Variants in SLC4A7 observed in about 807,000 individuals in gnomAD.
SLC4A7 encodes the protein solute carrier family 4 member 7.
Under a neutral mutation model 137.6 loss-of-function variants are expected in SLC4A7, and 51 were observed. The ratio of observed to expected loss-of-function variants is 0.37; its 90% CI spans 0.30 to 0.47. SLC4A7 has a LOEUF of 0.47. SLC4A7 is among the 20% of genes least tolerant of loss of function. The probability of loss-of-function intolerance (pLI) is 1.00; values close to 1 mark genes in which losing one functional copy is unlikely to be tolerated. For synonymous variants in SLC4A7, 542 were observed against 518.6 expected (o/e 1.05, Z -0.61); for missense variants, 1,247 against 1,525.4 (o/e 0.82, Z 3.04).
intron 7 of SLC4A7, among the ~76,000 whole-genome samples, chr3:27,425,676 CAAAAAAAAA>C (rs59895795): frequency 2.4e-4 from 15 of 61,492 alleles, no homozygotes; most frequent in African/African-American, 7.1e-4. Context: ...AACTCTGTCT[CAAAAAAAAA>C]AAAAAAAAAA....
intron 10 of SLC4A7, among the ~76,000 whole-genome samples, chr3:27,419,978 G>A (rs1197113095): frequency 5.3e-5 from 8 of 151,926 alleles, no homozygotes; most frequent in Non-Finnish European, 1.0e-4. Flanking sequence ...CACAAGGTCA[G>A]GAGATTGAGA....
intron 16 of SLC4A7, among the ~76,000 whole-genome samples, chr3:27,400,395 G>C (rs1282587745): frequency 6.6e-6 from 1 of 152,126 alleles, no homozygotes; most frequent in African/African-American, 2.4e-5. Context: ...AAAAAGGCAG[G>C]ACAAGTGGAT....
chr3:27,450,081 C>A (rs913380343), intron 2 of SLC4A7, among the ~76,000 whole-genome samples: 2 of 152,154 alleles, frequency 1.3e-5, no homozygotes. Flanking sequence ...CTCATGTTCC[C>A]AGGTAAGGCT....
At chr3:27,465,734 C>T (rs569143857) in intron 1 of SLC4A7, among the ~76,000 whole-genome samples, 1 of 151,566 alleles carries the variant, frequency 6.6e-6, no homozygotes, top group Non-Finnish European at 1.5e-5. Context: ...CCGAGGCGGA[C>T]GAATCACGAG....
chr3:27,416,051 C>T (rs2054351682), intron 11 of SLC4A7, among the ~76,000 whole-genome samples: 1 of 152,188 alleles, frequency 6.6e-6, no homozygotes, highest in African/African-American at 2.4e-5. Flanking sequence ...CTTAGGAACA[C>T]TTACTAGTAT....
intron 1 of SLC4A7, chr3:27,462,703 A>G (rs1666027405): frequency 7.7e-6 from 1 of 129,298 alleles, no homozygotes; most frequent in Admixed American, 1.1e-4. Context: ...GATCGCTTCC[A>G]GTTGAGAATC....
intron 7 of SLC4A7, among the ~76,000 whole-genome samples, chr3:27,427,166 T>C (rs189096215): frequency 3.9e-5 from 6 of 152,238 alleles, no homozygotes; most frequent in Non-Finnish European, 5.9e-5. Flanking sequence ...TAGCCAAGGA[T>C]ATTGCTAAAC....
intron 1 of SLC4A7, among the ~76,000 whole-genome samples, chr3:27,483,699 G>C (rs1031923631): frequency 2.0e-5 from 3 of 152,204 alleles, no homozygotes; most frequent in Admixed American, 1.3e-4. Flanking sequence ...CCGGAACCGG[G>C]ACCCCGCCTG....
chr3:27,421,557 G>T, intron 9 of SLC4A7, 65 bp downstream of exon 9: 1 of 1,222,230 alleles, frequency 8.2e-7, no homozygotes, highest in Non-Finnish European at 1.1e-6. Context: ...TTGTTCATTC[G>T]CTGGATTAAA....
intron 1 of SLC4A7, among the ~76,000 whole-genome samples, chr3:27,482,418 A>G (rs1405769841): frequency 2.0e-5 from 3 of 152,232 alleles, no homozygotes; most frequent in Non-Finnish European, 2.9e-5. Context: ...AACAGACAAC[A>G]TCATACTTGA....
At chr3:27,384,922 C>T (rs1020723785) in intron 23 of SLC4A7, among the ~76,000 whole-genome samples, 3 of 152,030 alleles carry the variant, frequency 2.0e-5, no homozygotes, top group African/African-American at 7.2e-5. Flanking sequence ...GCCTGGGCCA[C>T]AGAGCAAGAC....
rs376552312 is a variant in SLC4A7, at chr3:27,385,868, A to C, written c.3492+24T>G. The C allele has an allele frequency of 1.2e-5, 17 of 1,451,012 alleles. No individual in the cohort carries two copies. The African/African-American group carries it at 1.9e-4, about 16-fold the overall frequency. 89.9% of individuals were successfully genotyped at this position (1,451,012 alleles called of 1,614,324 possible). A position where few individuals can be genotyped will look rare whatever the true frequency, so the allele number is the denominator to read the frequency against. ...AAATATTAAATAAGGAAGTGGTGTAAGTTTAAAATTGTTATCTTTTTACCT... is the reference window on the plus strand; with the variant it reads ...AAATATTAAATAAGGAAGTGGTGTACGTTTAAAATTGTTATCTTTTTACCT... On this transcript the variant is annotated intron_variant, in intron 23 of 25. Coordinates refer to ENST00000454389, the MANE Select transcript of SLC4A7 (RefSeq NM_001321103.2).
At chr3:27,436,314 G>GTTCTT in intron 5 of SLC4A7, 74 bp downstream of exon 5, 2 of 1,126,010 alleles carry the variant, frequency 1.8e-6, no homozygotes, top group Non-Finnish European at 2.6e-6. Flanking sequence ...TAGAAGCTCA[G>GTTCTT]CATATAGTTG....
At chr3:27,391,471 A>G (rs1576148317) in intron 21 of SLC4A7, among the ~76,000 whole-genome samples, 1 of 152,118 alleles carries the variant, frequency 6.6e-6, no homozygotes, top group East Asian at 1.9e-4. Context: ...CCCTCTCACT[A>G]TTCTAGTCTT....
intron 1 of SLC4A7, among the ~76,000 whole-genome samples, chr3:27,470,629 T>C (rs1454169705): frequency 7.4e-6 from 1 of 135,628 alleles, no homozygotes; most frequent in African/African-American, 2.7e-5. Context: ...ATGGGCAGAG[T>C]AGCTCCAACT....
intron 1 of SLC4A7, among the ~76,000 whole-genome samples, chr3:27,459,851 CTTTAT>C (rs1038443938): frequency 1.3e-4 from 20 of 151,772 alleles, no homozygotes; most frequent in East Asian, 9.7e-4. Context: ...ACTTTAAATA[CTTTAT>C]TTTATGTCTT....
intron 1 of SLC4A7, among the ~76,000 whole-genome samples, chr3:27,470,478 AATAT>A (rs955501701): frequency 6.6e-6 from 1 of 151,852 alleles, no homozygotes; most frequent in African/African-American, 2.4e-5. Context: ...CATTTTAATG[AATAT>A]ATATATGACT....
chr3:27,464,332 T>C lies in SLC4A7; in HGVS notation c.61-11834A>G, dbSNP rs1371399613. Among the ~76,000 whole-genome samples, 5 of 152,236 alleles carry C rather than the reference T, an allele frequency of 3.3e-5. No homozygotes were observed. The East Asian group carries it at 5.8e-4, about 18-fold the overall frequency. On this transcript the variant is annotated intron_variant, in intron 1 of 25. Coordinates refer to ENST00000454389, the MANE Select transcript of SLC4A7 (RefSeq NM_001321103.2). ...TTTCTCTAGAGAGATTAAAGATCTA[T>C]TAATTCAATATAACATTAAATATAA...
chr3:27,447,202 T>C (rs2057724858), intron 3 of SLC4A7, among the ~76,000 whole-genome samples: 1 of 152,106 alleles, frequency 6.6e-6, no homozygotes, highest in East Asian at 1.9e-4. Flanking sequence ...AGTTTCTTAA[T>C]AGATTCCTGT....
Sources: allele counts gnomAD v4.1 joint callset (sites outside exome capture counted in the v4.1 genomes callset), GRCh38; gene constraint gnomAD v4.1.1; transcripts MANE v1.5; gene names NCBI Gene and HGNC (gene_info 2026-07-23, HGNC 2026-07-21).